LDLRAD3: variants seen among roughly 807,000 people sequenced by gnomAD.
The protein encoded by LDLRAD3 is low density lipoprotein receptor class A domain containing 3.
A neutral mutation model predicts 29.4 loss-of-function variants in LDLRAD3; 20 were observed. The ratio of observed to expected loss-of-function variants is 0.68; its 90% CI spans 0.48 to 0.99. The LOEUF (loss-of-function observed/expected upper bound fraction) is 0.99, where lower values mean the gene tolerates loss of function less well. LDLRAD3 is among the 50% of genes least tolerant of loss of function. LDLRAD3 has a pLI of 0.00. For synonymous variants in LDLRAD3, 157 were observed against 192.7 expected (o/e 0.81, Z 1.53); for missense variants, 420 against 454.3 (o/e 0.92, Z 0.69).
In LDLRAD3 at chr11:36,229,630, G is replaced by A; in HGVS notation, c.*233G>A. 2.2e-6 allele frequency: 1 copy of A among 452,160 alleles called. No homozygotes were observed. The highest frequency in any genetic ancestry group is 3.2e-5 in the East Asian group (1 of 31,008). The allele number at this position is 452,160 out of a possible 1,614,324, so 28.0% of individuals were successfully genotyped here. On this transcript the variant is annotated 3_prime_UTR_variant, in exon 6 of 6. Transcript: ENST00000315571. The stretch of plus-strand genomic sequence containing the variant: ...TTTCTGTCAGGTCACTCTTCCCTTG[G>A]GACCCGAGATCACACCCTCATTTTT...
chr11:36,140,593 T>C (rs1299427940), intron 4 of LDLRAD3, among the ~76,000 whole-genome samples: 1 of 152,130 alleles, frequency 6.6e-6, no homozygotes, highest in East Asian at 1.9e-4. Context: ...CATGCCCAGC[T>C]AATTTTTTGT....
At chr11:36,005,870 C>T (rs932278713) in intron 1 of LDLRAD3, among the ~76,000 whole-genome samples, 11 of 151,910 alleles carry the variant, frequency 7.2e-5, no homozygotes, top group Non-Finnish European at 1.0e-4. Flanking sequence ...AGAGAGAGAG[C>T]GCGAAGGGGG....
intron 4 of LDLRAD3, among the ~76,000 whole-genome samples, chr11:36,165,131 A>G (rs1352222367): frequency 2.0e-5 from 3 of 152,086 alleles, no homozygotes; most frequent in Non-Finnish European, 4.4e-5. Flanking sequence ...TGCAACCGTG[A>G]TACTTTTTAT....
At chr11:36,036,365 G>A in intron 2 of LDLRAD3, 116 bp downstream of exon 2, 1 of 1,208,676 alleles carries the variant, frequency 8.3e-7, no homozygotes, top group Admixed American at 2.2e-5. Flanking sequence ...TGGTGGTTTT[G>A]TGCCTCTTGC....
chr11:36,149,967 C>T (rs1194852217), intron 4 of LDLRAD3, among the ~76,000 whole-genome samples: 2 of 152,166 alleles, frequency 1.3e-5, no homozygotes, highest in African/African-American at 4.8e-5. Context: ...TGGCATTCAC[C>T]AGGCCAGGGC....
chr11:36,169,249 T>C (rs1854561312), intron 4 of LDLRAD3, among the ~76,000 whole-genome samples: 1 of 152,184 alleles, frequency 6.6e-6, no homozygotes, highest in African/African-American at 2.4e-5. Flanking sequence ...ACCAGGGTAA[T>C]TGGGATATCC....
rs1254553214 is a variant in LDLRAD3, at chr11:35,944,807, C to A, written c.46+663C>A. 2.0e-5 allele frequency among the ~76,000 whole-genome samples: 3 copies of A among 152,256 alleles called. No individual in the cohort carries two copies. The highest frequency in any genetic ancestry group is 4.4e-5 in the Non-Finnish European group (3 of 68,044). On this transcript the variant is annotated intron_variant, in intron 1 of 5. Coordinates refer to ENST00000315571, the MANE Select transcript of LDLRAD3 (RefSeq NM_174902.4). The surrounding 1 kb of genome is among the most constrained non-coding windows in gnomAD (Gnocchi z 4.9). The stretch of plus-strand genomic sequence containing the variant: ...CCCTACTTGCCCCGCGATGGGCGCC[C>A]TGACCGGCGAGGGGCCCTGGGAGAG...
chr11:36,098,657 T>G (rs895282125), intron 4 of LDLRAD3, among the ~76,000 whole-genome samples, 196 bp downstream of exon 4: 1 of 152,260 alleles, frequency 6.6e-6, no homozygotes, highest in Non-Finnish European at 1.5e-5. Context: ...CCTACCATTT[T>G]GAATTTTGTA....
At chr11:36,170,118 T>C (rs891872657) in intron 4 of LDLRAD3, among the ~76,000 whole-genome samples, 2 of 152,014 alleles carry the variant, frequency 1.3e-5, no homozygotes, top group African/African-American at 4.8e-5. Flanking sequence ...GAACATATGA[T>C]GTTTGGTTTT....
intron 1 of LDLRAD3, among the ~76,000 whole-genome samples, chr11:35,950,946 G>A (rs1851125717): frequency 6.6e-6 from 1 of 152,040 alleles, no homozygotes; most frequent in South Asian, 2.1e-4. Context: ...AGCCGGGAGT[G>A]GTGGCACGCA....
intron 1 of LDLRAD3, among the ~76,000 whole-genome samples, chr11:35,993,406 G>C (rs1341909449): frequency 6.6e-6 from 1 of 152,090 alleles, no homozygotes; most frequent in African/African-American, 2.4e-5. Flanking sequence ...GGCTCCATTT[G>C]TTTATTTTTC....
Position 35,944,192 on chromosome 11 carries a change from G to A in LDLRAD3, c.46+48G>A, listed in dbSNP as rs1258318793. 4 of 972,394 alleles carry A rather than the reference G, an allele frequency of 4.1e-6. No homozygotes were observed. The African/African-American group carries it at 7.1e-5, about 17-fold the overall frequency. 60.2% of individuals were successfully genotyped at this position (972,394 alleles called of 1,614,324 possible). ...AACTTCCCGCGGGGCGCGGGGCGCG[G>A]GGCGCGGGGCGCAGCGGCCGGGTGC... On this transcript the variant is annotated intron_variant, in intron 1 of 5. Transcript: ENST00000315571. This position sits in a 1 kb window ranked among gnomAD's most constrained non-coding sequence, Gnocchi z 4.9.
intron 1 of LDLRAD3, chr11:36,010,315 A>C (rs1269158023): frequency 6.5e-6 from 1 of 154,314 alleles, no homozygotes. Flanking sequence ...TAGTCAAGAG[A>C]CTAAATAGAT....
chr11:36,149,065 C>T lies in LDLRAD3; in HGVS notation c.454+50604C>T, dbSNP rs139746319. ...ATAAAGAGAGAACACCTGGCCACAG[C>T]GTCTGGAAACTCCTTATCTAAGAAG... On this transcript the variant is annotated intron_variant, in intron 4 of 5. Transcript: ENST00000315571. Among the ~76,000 whole-genome samples the T allele has an allele frequency of 5.4e-3, 822 of 152,276 alleles. 7 individuals carry two copies. Among genetic ancestry groups the T allele is most frequent in the African/African-American group, 0.019 (797 of 41,536 alleles).
At chr11:35,987,155 C>CTATGACACATTTGTATATCTTGT (rs1385589922) in intron 1 of LDLRAD3, among the ~76,000 whole-genome samples, 3 of 152,216 alleles carry the variant, frequency 2.0e-5, no homozygotes, top group Admixed American at 6.5e-5. Context: ...CAAGTACCAG[C>CTATGACACATTTGTATATCTTGT]TATGACACAT....
chr11:36,031,653 C>T (rs1448456792), intron 1 of LDLRAD3, among the ~76,000 whole-genome samples: 1 of 152,128 alleles, frequency 6.6e-6, no homozygotes, highest in Non-Finnish European at 1.5e-5. Flanking sequence ...AGTACAGACA[C>T]ACCAGTAAGC....
chr11:36,143,803 C>T (rs1038607720), intron 4 of LDLRAD3, among the ~76,000 whole-genome samples: 1 of 151,918 alleles, frequency 6.6e-6, no homozygotes, highest in Non-Finnish European at 1.5e-5. Context: ...AGATTAGAGC[C>T]CACCCTACAA....
chr11:35,954,454 C>T (rs1851176180), intron 1 of LDLRAD3, among the ~76,000 whole-genome samples: 1 of 152,162 alleles, frequency 6.6e-6, no homozygotes, highest in Admixed American at 6.5e-5. Flanking sequence ...TGTTATACTC[C>T]AGAACCTGAT....
intron 4 of LDLRAD3, among the ~76,000 whole-genome samples, chr11:36,121,515 T>C (rs916971423): frequency 7.9e-5 from 12 of 152,154 alleles, no homozygotes; most frequent in Non-Finnish European, 1.5e-4. Context: ...AAGGGCCCAC[T>C]TTGTCCACCA....
Sources: allele counts gnomAD v4.1 joint callset (sites outside exome capture counted in the v4.1 genomes callset), GRCh38; gene constraint gnomAD v4.1.1; non-coding constraint Gnocchi (gnomAD v3.1); transcripts MANE v1.5; gene names NCBI Gene and HGNC (gene_info 2026-07-23, HGNC 2026-07-21).